TMEM38A: variants seen among roughly 807,000 people sequenced by gnomAD.
The protein encoded by TMEM38A is trimeric intracellular cation channel type A.
A neutral mutation model predicts 28.6 loss-of-function variants in TMEM38A; 17 were observed. The observed-to-expected ratio is 0.60, with a 90% CI of 0.41 to 0.89. The LOEUF (loss-of-function observed/expected upper bound fraction) is 0.89. Ranked by LOEUF, TMEM38A falls within the 40% of genes least tolerant of loss-of-function variation. The pLI, the probability that TMEM38A is intolerant of heterozygous loss-of-function variation, is 0.00. For missense variants in TMEM38A, 328 were observed against 393.1 expected (o/e 0.83, Z 1.40); for synonymous variants, 169 against 166.1 (o/e 1.02, Z -0.14).
chr19:16,688,306 C>G lies in TMEM38A; in HGVS notation c.835C>G (p.Pro279Ala). 1.2e-6 allele frequency: 2 copies of G among 1,609,268 alleles called. No homozygotes were observed. Among genetic ancestry groups the G allele is most frequent in the Non-Finnish European group, 1.7e-6 (2 of 1,177,818 alleles). The change falls in exon 6 of 6, where the codon CCC becomes GCC. Residue 279 changes from proline (P) to alanine (A), a missense_variant. Physicochemically the swap from Pro to Ala is conservative, Grantham distance 27. Transcript: ENST00000187762. ...GGPGAQHSAMPAKSKEELSEG... is the reference protein window; with the variant it reads ...GGPGAQHSAMAAKSKEELSEG... ...GCCAGGAGCTCAGCATTCGGCCATG[C>G]CCGCCAAGTCCAAGGAGGAGTTGAG...
In TMEM38A at chr19:16,673,070, T is replaced by TTTTG. The variant is rs762139122; in HGVS notation, c.125-6890_125-6887dup. 3.9e-4 allele frequency among the ~76,000 whole-genome samples: 60 copies of TTTTG among 151,998 alleles called. 1 individual carries two copies. The highest frequency in any genetic ancestry group is 1.0e-3 in the Admixed American group (16 of 15,254). ...AGGTCTAGTTCACTTTTCTTTTTCT[T>TTTTG]TTTGTTTGTTTGTTTGTTTGTTTGT... On this transcript the variant is annotated intron_variant, in intron 1 of 5. Coordinates refer to ENST00000187762, the MANE Select transcript of TMEM38A (RefSeq NM_024074.4).
chr19:16,686,302 G>A lies in TMEM38A; in HGVS notation c.569G>A (p.Ser190Asn), dbSNP rs1251560381. ...ILHMSFPTKA[S>N]LYGAILFTLQ... is the part of the protein sequence containing the mutation. Reference sequence around the variant, plus strand: ...GCTCCCTCCAGCCCCACCAAGGCCAGCCTGTATGGAGCCATCCTCTTCACC... The same window carrying A: ...GCTCCCTCCAGCCCCACCAAGGCCAACCTGTATGGAGCCATCCTCTTCACC... Residue 190 changes from serine (S) to asparagine (N), a missense_variant, in exon 5 of 6, where the codon AGC becomes AAC. Physicochemically the swap from Ser to Asn is conservative, Grantham distance 46 (BLOSUM62 1). Coordinates refer to ENST00000187762, the MANE Select transcript of TMEM38A (RefSeq NM_024074.4). 4.3e-6 allele frequency: 7 copies of A among 1,612,518 alleles called. No homozygotes were observed. The South Asian group carries it at 7.7e-5, about 18-fold the overall frequency.
At chr19:16,682,308 G>T (rs2086785006) in intron 3 of TMEM38A, 113 bp from the exon 4 acceptor site, 2 of 811,382 alleles carry the variant, frequency 2.5e-6, no homozygotes, top group Admixed American at 4.0e-5. Flanking sequence ...CCCAGGCTCA[G>T]TGTCCTTCTA....
chr19:16,682,645 G>T, intron 4 of TMEM38A, 137 bp downstream of exon 4: 1 of 748,472 alleles, frequency 1.3e-6, no homozygotes, highest in East Asian at 2.7e-5. Flanking sequence ...GGCTATGACT[G>T]GGGAAGCTCA....
intron 1 of TMEM38A, among the ~76,000 whole-genome samples, chr19:16,675,531 G>A (rs1054842028): frequency 6.9e-6 from 1 of 145,486 alleles, no homozygotes; most frequent in Non-Finnish European, 1.5e-5. Flanking sequence ...ACCACGCCTG[G>A]CCTCTCTTGA....
In TMEM38A at chr19:16,661,857, A is replaced by G. The variant is rs2086682972; in HGVS notation, c.124+516A>G. 6.6e-6 allele frequency among the ~76,000 whole-genome samples: 1 copy of G among 150,870 alleles called. No homozygotes were observed. The highest frequency in any genetic ancestry group is 2.1e-4 in the South Asian group (1 of 4,746). On this transcript the variant is annotated intron_variant, in intron 1 of 5. Coordinates refer to ENST00000187762, the MANE Select transcript of TMEM38A (RefSeq NM_024074.4). This position sits in a 1 kb window ranked among gnomAD's most constrained non-coding sequence, Gnocchi z 6.5. ...CCACTGCAACTGCCCAGCACCCTCC[A>G]CTCCCCTCCCTTCCCCCACGGTGCT...
intron 1 of TMEM38A, among the ~76,000 whole-genome samples, chr19:16,679,252 C>CGTGTGTGTGT (rs35543309): frequency 8.4e-4 from 108 of 128,390 alleles, no homozygotes; most frequent in East Asian, 3.7e-3. Context: ...TCTTTTGTTT[C>CGTGTGTGTGT]GTGTGTGTGT....
intron 1 of TMEM38A, among the ~76,000 whole-genome samples, chr19:16,673,231 G>A (rs995280129): frequency 1.3e-5 from 2 of 152,046 alleles, no homozygotes; most frequent in African/African-American, 4.8e-5. Flanking sequence ...ACAGGCACCT[G>A]CCACCATGCC....
chr19:16,679,166 T>TAA (rs746884921), intron 1 of TMEM38A, among the ~76,000 whole-genome samples: 1 of 73,848 alleles, frequency 1.4e-5, no homozygotes, highest in Non-Finnish European at 2.3e-5. Flanking sequence ...CAAAAAAAGT[T>TAA]AAAAAAAAAA....
chr19:16,673,069 T>C (rs2086734584), intron 1 of TMEM38A, among the ~76,000 whole-genome samples: 1 of 152,040 alleles, frequency 6.6e-6, no homozygotes. Flanking sequence ...TTTCTTTTTC[T>C]TTTTGTTTGT....
At chr19:16,668,351 C>T (rs1025773729) in intron 1 of TMEM38A, among the ~76,000 whole-genome samples, 19 of 151,940 alleles carry the variant, frequency 1.3e-4, no homozygotes, top group Admixed American at 5.9e-4. Context: ...TGGAGACCAG[C>T]CTGGCCAACA....
chr19:16,676,300 G>T (rs1039923676), intron 1 of TMEM38A, among the ~76,000 whole-genome samples: 1 of 152,142 alleles, frequency 6.6e-6, no homozygotes, highest in Non-Finnish European at 1.5e-5. Context: ...AGCTTGCAGT[G>T]ATCTGAGATT....
intron 1 of TMEM38A, among the ~76,000 whole-genome samples, chr19:16,664,051 C>G (rs1033606907): frequency 6.6e-6 from 1 of 152,132 alleles, no homozygotes; most frequent in Non-Finnish European, 1.5e-5. Flanking sequence ...GTTGCAGCCT[C>G]GGGACTCAGC....
At position 16,674,191 on chromosome 19, in the gene TMEM38A, T is replaced by C. The variant is rs1448721950; in HGVS notation, c.125-5793T>C. Among the ~76,000 whole-genome samples the C allele has an allele frequency of 4.7e-5, 7 of 148,920 alleles. No individual in the cohort carries two copies. In the East Asian group the frequency reaches 1.4e-3, roughly 31 times the overall value. On this transcript the variant is annotated intron_variant, in intron 1 of 5. Transcript: ENST00000187762. Reference sequence around the variant, plus strand: ...CCTGAGGTCAGGAGTTCGAGACCAGTTTGGCCAACTTGGAGAAACCCCCTG... The same window carrying C: ...CCTGAGGTCAGGAGTTCGAGACCAGCTTGGCCAACTTGGAGAAACCCCCTG...
At chr19:16,668,395 A>G (rs1380196899) in intron 1 of TMEM38A, among the ~76,000 whole-genome samples, 2 of 150,226 alleles carry the variant, frequency 1.3e-5, no homozygotes, top group Admixed American at 6.6e-5. Context: ...AAATATAAAA[A>G]TTAGTCAGGC....
At chr19:16,676,279 C>T (rs2086750958) in intron 1 of TMEM38A, among the ~76,000 whole-genome samples, 1 of 151,974 alleles carries the variant, frequency 6.6e-6, no homozygotes, top group Admixed American at 6.6e-5. Context: ...TGGCATGAAC[C>T]TGTGAGGCGG....
chr19:16,667,703 A>T (rs1377159278), intron 1 of TMEM38A, among the ~76,000 whole-genome samples: 2 of 151,926 alleles, frequency 1.3e-5, no homozygotes, highest in Admixed American at 1.3e-4. Context: ...AAGAAAAAAT[A>T]CAAAAATTAG....
At chr19:16,680,220 G>A in intron 2 of TMEM38A, 80 bp downstream of exon 2, 1 of 1,559,088 alleles carries the variant, frequency 6.4e-7, no homozygotes, top group Non-Finnish European at 8.7e-7. Context: ...AGAGGTTGGA[G>A]GAATTAGAAT....
chr19:16,673,634 G>A (rs1157947321), intron 1 of TMEM38A, among the ~76,000 whole-genome samples: 2 of 152,136 alleles, frequency 1.3e-5, no homozygotes, highest in Non-Finnish European at 2.9e-5. Context: ...CCACTGATGC[G>A]CTCACCTGGA....
Sources: allele counts gnomAD v4.1 joint callset (sites outside exome capture counted in the v4.1 genomes callset), GRCh38; gene constraint gnomAD v4.1.1; non-coding constraint Gnocchi (gnomAD v3.1); transcripts MANE v1.5; gene names NCBI Gene and HGNC (gene_info 2026-07-23, HGNC 2026-07-21).